PAX5: variants seen among roughly 807,000 people sequenced by gnomAD.
The protein encoded by PAX5 is paired box 5.
Under a neutral mutation model 43.7 loss-of-function variants are expected in PAX5, and 9 were observed. The observed-to-expected ratio is 0.21, with a 90% CI of 0.12 to 0.36. PAX5 has a LOEUF of 0.36. Among genes scored for constraint, PAX5 ranks in the 10% least tolerant of loss-of-function variants. PAX5 has a pLI of 1.00. For synonymous variants in PAX5, 228 were observed against 214.3 expected, an observed-to-expected ratio of 1.06 and a Z score of -0.56; for missense variants, 383 against 532.7, an observed-to-expected ratio of 0.72 and a Z score of 2.77.
intron 5 of PAX5, among the ~76,000 whole-genome samples, chr9:36,973,054 G>C (rs1835057153): frequency 7.2e-6 from 1 of 139,434 alleles, no homozygotes; most frequent in Non-Finnish European, 1.6e-5. Flanking sequence ...AAGAAAGAAA[G>C]AAAAGGAAAG....
In PAX5 at chr9:36,839,310, C is replaced by T. The variant is rs1160979181; in HGVS notation, c.*1250G>A. On this transcript the variant is annotated 3_prime_UTR_variant, in exon 10 of 10. Transcript: ENST00000358127. ...GGCCCTTGGCCGTGGCCCTGACCAT[C>T]GCGGCCCCTTAGATCAACAGGTGGG... 2 of 233,394 alleles carry T rather than the reference C, an allele frequency of 8.6e-6. No homozygotes were observed. 14.5% of individuals were successfully genotyped at this position (233,394 alleles called of 1,614,324 possible). A position where few individuals can be genotyped will look rare whatever the true frequency, so the allele number is the denominator to read the frequency against.
intron 8 of PAX5, among the ~76,000 whole-genome samples, chr9:36,869,518 A>G (rs1825215342): frequency 6.6e-6 from 1 of 152,184 alleles, no homozygotes; most frequent in Non-Finnish European, 1.5e-5. Flanking sequence ...ACTCTCTGCA[A>G]AAGCACCCTC....
At chr9:36,973,793 G>A (rs1382761006) in intron 5 of PAX5, among the ~76,000 whole-genome samples, 1 of 152,168 alleles carries the variant, frequency 6.6e-6, no homozygotes, top group African/African-American at 2.4e-5. Context: ...ATCACCTGAG[G>A]TCAGGAGTTC....
At chr9:36,908,937 T>G (rs1829032971) in intron 7 of PAX5, among the ~76,000 whole-genome samples, 1 of 152,244 alleles carries the variant, frequency 6.6e-6, no homozygotes, top group Non-Finnish European at 1.5e-5. Context: ...AAATATTAAT[T>G]CATTTTATTC....
At chr9:36,922,090 C>T (rs149402219) in intron 7 of PAX5, among the ~76,000 whole-genome samples, 3 of 152,268 alleles carry the variant, frequency 2.0e-5, no homozygotes, top group South Asian at 2.1e-4. Flanking sequence ...CTGGCCCTTA[C>T]GTGGTGCTCA....
intron 7 of PAX5, among the ~76,000 whole-genome samples, chr9:36,906,044 G>A (rs541321082): frequency 3.8e-4 from 58 of 152,248 alleles, no homozygotes; most frequent in African/African-American, 1.3e-3. Flanking sequence ...CAAAAGAGGT[G>A]CCCAGTGCCC....
At chr9:36,924,459 C>T (rs1830421047) in intron 6 of PAX5, among the ~76,000 whole-genome samples, 1 of 152,114 alleles carries the variant, frequency 6.6e-6, no homozygotes, top group African/African-American at 2.4e-5. Flanking sequence ...GTGGCTCACG[C>T]ATGTCATTCC....
intron 5 of PAX5, among the ~76,000 whole-genome samples, chr9:36,987,795 G>A (rs1338738711): frequency 2.6e-5 from 4 of 152,312 alleles, no homozygotes; most frequent in African/African-American, 4.8e-5. Context: ...CCAAACAGTT[G>A]TTTTTCGCCC....
intron 6 of PAX5, among the ~76,000 whole-genome samples, chr9:36,929,931 A>G (rs1830988808): frequency 6.6e-6 from 1 of 151,952 alleles, no homozygotes; most frequent in Non-Finnish European, 1.5e-5. Context: ...TCACCATGTT[A>G]GTCAGGTTGG....
intron 8 of PAX5, among the ~76,000 whole-genome samples, chr9:36,854,986 C>G (rs999598243): frequency 6.6e-6 from 1 of 152,238 alleles, no homozygotes; most frequent in South Asian, 2.1e-4. Context: ...GCCAGCTGTG[C>G]GGTGGCCAAG....
chr9:37,019,815 C>A (rs1839705071), intron 2 of PAX5, among the ~76,000 whole-genome samples: 1 of 152,150 alleles, frequency 6.6e-6, no homozygotes, highest in African/African-American at 2.4e-5. Flanking sequence ...TGTTTTGGGG[C>A]TATGGTGAGA....
chr9:36,986,490 G>T (rs1268875611), intron 5 of PAX5, among the ~76,000 whole-genome samples: 4 of 152,056 alleles, frequency 2.6e-5, no homozygotes, highest in South Asian at 2.1e-4. Context: ...CGGCGCGAGC[G>T]GGCGGCCTCC....
chr9:36,872,136 C>T (rs1481964613), intron 8 of PAX5, among the ~76,000 whole-genome samples: 1 of 152,208 alleles, frequency 6.6e-6, no homozygotes, highest in Non-Finnish European at 1.5e-5. Flanking sequence ...CCTGCCCCAG[C>T]AGTTTCTGGG....
chr9:36,888,642 A>G (rs1225390674), intron 7 of PAX5, among the ~76,000 whole-genome samples: 2 of 152,230 alleles, frequency 1.3e-5, no homozygotes, highest in Non-Finnish European at 2.9e-5. Context: ...AGGCAAAGAC[A>G]TGAAGGGAAG....
chr9:36,992,290 A>AT (rs1015466061), intron 5 of PAX5, among the ~76,000 whole-genome samples: 5 of 152,082 alleles, frequency 3.3e-5, no homozygotes, highest in Non-Finnish European at 7.4e-5. Flanking sequence ...CCACTTCTTT[A>AT]TTTTATTTTG....
intron 5 of PAX5, among the ~76,000 whole-genome samples, chr9:36,972,938 G>A (rs189504339): frequency 3.3e-5 from 5 of 151,712 alleles, no homozygotes; most frequent in Admixed American, 6.6e-5. Context: ...TGAGGCACGA[G>A]AATCTCTTGA....
At chr9:36,985,146 G>A (rs10814498) in intron 5 of PAX5, among the ~76,000 whole-genome samples, 96,902 of 152,086 alleles carry the variant, frequency 0.64, 31,617 homozygotes, top group South Asian at 0.81. Context: ...CAGTTTGTCC[G>A]TCTTCAAATG....
chr9:36,941,674 T>G (rs1463637736), intron 6 of PAX5, among the ~76,000 whole-genome samples: 1 of 151,736 alleles, frequency 6.6e-6, no homozygotes, highest in African/African-American at 2.4e-5. Flanking sequence ...CCTTGGCCTG[T>G]ACCCACCTCA....
chr9:36,972,388 C>T (rs1001809306), intron 5 of PAX5, among the ~76,000 whole-genome samples: 5 of 152,222 alleles, frequency 3.3e-5, no homozygotes, highest in Admixed American at 2.6e-4. Context: ...CCTCTCTGAG[C>T]CTCAGAGACC....
Sources: allele counts gnomAD v4.1 joint callset (sites outside exome capture counted in the v4.1 genomes callset), GRCh38; gene constraint gnomAD v4.1.1; transcripts MANE v1.5; gene names NCBI Gene and HGNC (gene_info 2026-07-23, HGNC 2026-07-21).